The following RAB3GAP2 variants were observed in gnomAD, a reference collection of about 807,000 sequenced individuals.
RAB3GAP2 encodes the protein rab3 GTPase-activating protein non-catalytic subunit.
A neutral mutation model predicts 185.3 loss-of-function variants in RAB3GAP2; 87 were observed. That is an observed-to-expected ratio of 0.47 (90% CI 0.39 to 0.56). The LOEUF (loss-of-function observed/expected upper bound fraction) is 0.56, where lower values mean the gene tolerates loss of function less well. Among genes scored for constraint, RAB3GAP2 ranks in the 20% least tolerant of loss-of-function variants. The pLI, the probability that RAB3GAP2 is intolerant of heterozygous loss-of-function variation, is 0.00. For synonymous variants in RAB3GAP2, 554 were observed against 576.1 expected (o/e 0.96, Z 0.55); for missense variants, 1,492 against 1,638.2 (o/e 0.91, Z 1.54).
chr1:220,260,235 C>A (rs1034323142), intron 1 of RAB3GAP2, among the ~76,000 whole-genome samples: 1 of 152,302 alleles, frequency 6.6e-6, no homozygotes, highest in African/African-American at 2.4e-5. Context: ...AATCCCATTA[C>A]TGGGTATATA....
intron 1 of RAB3GAP2, among the ~76,000 whole-genome samples, chr1:220,236,681 A>G (rs1659597253): frequency 6.6e-6 from 1 of 152,188 alleles, no homozygotes; most frequent in Non-Finnish European, 1.5e-5. Flanking sequence ...TTAGAAAAAA[A>G]AAAAAAGGTA....
intron 29 of RAB3GAP2, 112 bp downstream of exon 29, chr1:220,159,274 C>A: frequency 1.1e-6 from 1 of 887,762 alleles, no homozygotes; most frequent in Non-Finnish European, 1.8e-6. Context: ...TTATCTCCTT[C>A]TGATACGTCA....
chr1:220,240,950 G>A (rs911592381), intron 1 of RAB3GAP2, among the ~76,000 whole-genome samples: 1 of 151,880 alleles, frequency 6.6e-6, no homozygotes, highest in Non-Finnish European at 1.5e-5. Context: ...TTTTTTCCTT[G>A]AAGAGATTAG....
chr1:220,167,756 G>A (rs1204824771), intron 24 of RAB3GAP2, 81 bp from the exon 25 acceptor site: 15 of 1,392,520 alleles, frequency 1.1e-5, no homozygotes, highest in East Asian at 6.8e-5. Flanking sequence ...ATTTCCTTAC[G>A]AAGAGATCTA....
intron 22 of RAB3GAP2, 97 bp downstream of exon 22, chr1:220,172,540 C>A: frequency 1.2e-6 from 1 of 803,822 alleles, no homozygotes; most frequent in South Asian, 1.4e-5. Context: ...TTGTACACTA[C>A]AGACTCCTTT....
At chr1:220,235,133 G>A (rs1659568597) in intron 1 of RAB3GAP2, among the ~76,000 whole-genome samples, 1 of 152,146 alleles carries the variant, frequency 6.6e-6, no homozygotes, top group Non-Finnish European at 1.5e-5. Context: ...CTCATGAAGG[G>A]TAAGATTAGG....
At chr1:220,173,871 T>C (rs1419869036) in intron 21 of RAB3GAP2, among the ~76,000 whole-genome samples, 1 of 151,728 alleles carries the variant, frequency 6.6e-6, no homozygotes, top group Non-Finnish European at 1.5e-5. Context: ...ATACAAAAAA[T>C]TAGCTGGGCG....
rs546154908 is a variant in RAB3GAP2, at chr1:220,196,777, G to A, written c.812-379C>T. Among the ~76,000 whole-genome samples the A allele has an allele frequency of 4.2e-4, 64 of 151,886 alleles. 1 individual carries two copies. Among genetic ancestry groups the A allele is most frequent in the African/African-American group, 1.5e-3 (61 of 41,450 alleles). On this transcript the variant is annotated intron_variant, in intron 9 of 34. Coordinates refer to ENST00000358951, the MANE Select transcript of RAB3GAP2 (RefSeq NM_012414.4). ...ACCTGGGAGGTGGAGGTTGCAGTAAGCTGAGGTCACACCAACTGCACTCCA... is the reference window on the plus strand; with the variant it reads ...ACCTGGGAGGTGGAGGTTGCAGTAAACTGAGGTCACACCAACTGCACTCCA...
At chr1:220,231,735 G>A (rs145622431) in intron 2 of RAB3GAP2, among the ~76,000 whole-genome samples, 2 of 152,298 alleles carry the variant, frequency 1.3e-5, no homozygotes, top group East Asian at 1.9e-4. Flanking sequence ...TGCTAGAGAC[G>A]TCTAAGAAAG....
At chr1:220,267,207 GATATA>G (rs1299617028) in intron 1 of RAB3GAP2, 1 of 928,810 alleles carries the variant, frequency 1.1e-6, no homozygotes, top group African/African-American at 1.6e-5. Flanking sequence ...CCAATTCTGT[GATATA>G]AGTAGCAGTT....
intron 31 of RAB3GAP2, 76 bp from the exon 32 acceptor site, chr1:220,154,133 C>CCTG: frequency 6.4e-7 from 1 of 1,568,610 alleles, no homozygotes; most frequent in Non-Finnish European, 8.7e-7. Context: ...TTGTTTAAAA[C>CCTG]TTAATAATAA....
chr1:220,165,182 G>C (rs761878737), intron 26 of RAB3GAP2, among the ~76,000 whole-genome samples: 19 of 147,656 alleles, frequency 1.3e-4, no homozygotes, highest in Middle Eastern at 3.4e-3. Context: ...TGAGTATCTA[G>C]TATGCACCAA....
intron 21 of RAB3GAP2, among the ~76,000 whole-genome samples, chr1:220,173,796 G>A (rs1184542847): frequency 5.9e-5 from 9 of 152,026 alleles, no homozygotes; most frequent in Non-Finnish European, 1.0e-4. Flanking sequence ...CGAGGCGGGC[G>A]GATCACGAGG....
intron 1 of RAB3GAP2, among the ~76,000 whole-genome samples, chr1:220,235,859 T>C (rs1659581107): frequency 6.6e-6 from 1 of 152,214 alleles, no homozygotes; most frequent in African/African-American, 2.4e-5. Context: ...AGAAATACTT[T>C]ATACAAGATA....
chr1:220,182,375 C>G (rs369788729), intron 20 of RAB3GAP2, 21 bp from the exon 21 acceptor site: 2 of 1,613,610 alleles, frequency 1.2e-6, no homozygotes, highest in East Asian at 4.5e-5. Flanking sequence ...AAAAACAAAG[C>G]ACATTAATCA....
intron 1 of RAB3GAP2, among the ~76,000 whole-genome samples, chr1:220,258,385 C>A (rs890028963): frequency 2.0e-5 from 3 of 152,100 alleles, no homozygotes; most frequent in African/African-American, 7.2e-5. Context: ...TGCTTATCTA[C>A]CACAATCAAG....
At chr1:220,171,853 T>G in intron 23 of RAB3GAP2, 36 bp downstream of exon 23, 1 of 1,613,674 alleles carries the variant, frequency 6.2e-7, no homozygotes, top group Non-Finnish European at 8.5e-7. Flanking sequence ...GCCTACTGGA[T>G]GTGTACAGAT....
chr1:220,151,573 A>T, intron 34 of RAB3GAP2, 33 bp downstream of exon 34: 1 of 1,595,840 alleles, frequency 6.3e-7, no homozygotes, highest in South Asian at 1.1e-5. Context: ...ACATCCAATG[A>T]CCTTTTGCCT....
intron 2 of RAB3GAP2, among the ~76,000 whole-genome samples, chr1:220,231,214 C>T (rs567033042): frequency 2.0e-5 from 3 of 152,356 alleles, no homozygotes; most frequent in Non-Finnish European, 4.4e-5. Flanking sequence ...CTACATCACA[C>T]TGGCCTTCTT....
Sources: allele counts gnomAD v4.1 joint callset (sites outside exome capture counted in the v4.1 genomes callset), GRCh38; gene constraint gnomAD v4.1.1; transcripts MANE v1.5; gene names NCBI Gene and HGNC (gene_info 2026-07-23, HGNC 2026-07-21).